The following FMNL3 variants were observed in gnomAD, a reference collection of about 807,000 sequenced individuals.
FMNL3 encodes the protein formin like 3.
FMNL3 carries 57 observed loss-of-function variants against 119.6 expected under a neutral mutation model. The observed-to-expected ratio is 0.48, with a 90% CI of 0.39 to 0.59. The LOEUF is 0.59. FMNL3 is among the 20% of genes least tolerant of loss of function. FMNL3 has a pLI of 0.00. For missense variants in FMNL3, 1,053 were observed against 1,323.5 expected, an observed-to-expected ratio of 0.80 and a Z score of 3.17; for synonymous variants, 491 against 507.3, an observed-to-expected ratio of 0.97 and a Z score of 0.43.
chr12:49,686,635 A>C (rs2138978348), intron 1 of FMNL3, among the ~76,000 whole-genome samples: 1 of 151,324 alleles, frequency 6.6e-6, no homozygotes, highest in South Asian at 2.1e-4. Context: ...ACTGAGCCCC[A>C]AAACTCTTAA....
In FMNL3 at chr12:49,642,725, G is replaced by C; in HGVS notation, c.*3090C>G. On this transcript the variant is annotated 3_prime_UTR_variant, in exon 26 of 26. Transcript: ENST00000335154. The surrounding 1 kb of genome is among the most constrained non-coding windows in gnomAD (Gnocchi z 5.8). ...CTGCCTCAGGCCCTTGAACTCATTA[G>C]ACCAGTTCAACAGAGACCTCAGTGG... 6.4e-7 allele frequency: 1 copy of C among 1,572,422 alleles called. No individual in the cohort carries two copies. The highest frequency in any genetic ancestry group is 8.7e-7 in the Non-Finnish European group (1 of 1,153,232).
In FMNL3 at chr12:49,649,354, T is replaced by C; in HGVS notation, c.2305-15A>G. 1 of 1,614,128 alleles carries C rather than the reference T, an allele frequency of 6.2e-7. No individual in the cohort carries two copies. Among genetic ancestry groups the C allele is most frequent in the Non-Finnish European group, 8.5e-7 (1 of 1,180,022 alleles). ...GCAAGTATGATCTGTCCAAAGAATG[T>C]GTGGGAGGCAGGTCAGGCTCAGGTC... On this transcript the variant is annotated splice_polypyrimidine_tract_variant and intron_variant, in intron 19 of 25. Transcript: ENST00000335154. This position sits in a 1 kb window ranked among gnomAD's most constrained non-coding sequence, Gnocchi z 5.6.
At chr12:49,702,944 A>C (rs11169115) in intron 1 of FMNL3, among the ~76,000 whole-genome samples, 3,380 of 152,272 alleles carry the variant, frequency 0.022, 133 homozygotes, top group African/African-American at 0.077. Context: ...AGCCTCTTAG[A>C]CAACTAGCAC....
chr12:49,698,823 C>G (rs1399087466), intron 1 of FMNL3, among the ~76,000 whole-genome samples: 5 of 152,180 alleles, frequency 3.3e-5, no homozygotes, highest in Admixed American at 2.6e-4. Context: ...AAGAGAGAGA[C>G]TGGAAATGGA....
chr12:49,673,042 G>C (rs1288730665), intron 1 of FMNL3, among the ~76,000 whole-genome samples: 2 of 152,220 alleles, frequency 1.3e-5, no homozygotes, highest in Admixed American at 6.5e-5. Flanking sequence ...AATACAGAAA[G>C]TGAGAGGTAG....
chr12:49,666,176 G>A lies in FMNL3; in HGVS notation c.242C>T (p.Thr81Ile), dbSNP rs749420213. 12 of 1,614,092 alleles carry A rather than the reference G, an allele frequency of 7.4e-6. No individual in the cohort carries two copies. Among genetic ancestry groups the A allele is most frequent in the Admixed American group, 5.0e-5 (3 of 59,986 alleles). ...ERFQVKNPPH[T>I]YIQKLQSFLD... ...GAAGCTCTGGAGTTTCTGAATGTAAGTGTGGGGAGGATTCTTCACCTGGAA... is the reference window on the plus strand; with the variant it reads ...GAAGCTCTGGAGTTTCTGAATGTAAATGTGGGGAGGATTCTTCACCTGGAA... Residue 81 changes from threonine (T) to isoleucine (I), a missense_variant, in exon 3 of 26, where the codon ACT becomes ATT. Transcript: ENST00000335154.
chr12:49,696,748 G>C (rs1944761732), intron 1 of FMNL3, among the ~76,000 whole-genome samples: 2 of 152,204 alleles, frequency 1.3e-5, no homozygotes, highest in Non-Finnish European at 1.5e-5. Context: ...CTGTCCAGGG[G>C]CCTGAATATC....
chr12:49,701,223 T>A (rs960769774), intron 1 of FMNL3, among the ~76,000 whole-genome samples: 1 of 152,026 alleles, frequency 6.6e-6, no homozygotes. Flanking sequence ...TACACGTACA[T>A]CAAAGTGTTA....
rs755647716 is a variant in FMNL3, at chr12:49,662,077, G to A, written c.369-28C>T. The A allele has an allele frequency of 6.2e-6, 10 of 1,611,586 alleles. No homozygotes were observed. In the South Asian group the frequency reaches 9.9e-5, roughly 16 times the overall value. On this transcript the variant is annotated intron_variant, in intron 4 of 25. Coordinates refer to ENST00000335154, the MANE Select transcript of FMNL3 (RefSeq NM_175736.5). ...GCAGATAAAGGAAACACAGTGGAAGGGGTCTGCTAAAAGTGGGTCAAGGAT... is the reference window on the plus strand; with the variant it reads ...GCAGATAAAGGAAACACAGTGGAAGAGGTCTGCTAAAAGTGGGTCAAGGAT...
In FMNL3 at chr12:49,647,284, C is replaced by G; in HGVS notation, c.2863G>C (p.Asp955His). ...CTCTTGGTCCCACCCACCTTGGCAT[C>G]CAGTTTCTTGGCTTCCTGAGCCAGC... is the stretch of plus-strand genomic sequence containing the variant. ...KQLAQEAKKL[D>H]AKTPSQRNKW... Residue 955 changes from aspartate (D) to histidine (H), a missense_variant, in exon 24 of 26, where the codon GAT (aspartate) becomes CAT (histidine). Transcript: ENST00000335154. The surrounding 1 kb of genome is among the most constrained non-coding windows in gnomAD (Gnocchi z 4.9). 1.2e-6 allele frequency: 2 copies of G among 1,614,080 alleles called. No homozygotes were observed. The highest frequency in any genetic ancestry group is 1.7e-6 in the Non-Finnish European group (2 of 1,180,014).
intron 1 of FMNL3, among the ~76,000 whole-genome samples, chr12:49,689,862 A>G (rs1230500088): frequency 6.6e-6 from 1 of 151,858 alleles, no homozygotes; most frequent in Non-Finnish European, 1.5e-5. Context: ...CTCCTCCTTA[A>G]TTCCCTCCCA....
At chr12:49,670,300 TTC>T (rs1271807957) in intron 1 of FMNL3, among the ~76,000 whole-genome samples, 1 of 152,242 alleles carries the variant, frequency 6.6e-6, no homozygotes, top group Non-Finnish European at 1.5e-5. Flanking sequence ...CAAACATTTA[TTC>T]TGTCATATTA....
rs766493207 is a variant in FMNL3, at chr12:49,649,843, G to A, written c.2083C>T (p.Arg695Trp). 1.2e-6 allele frequency: 2 copies of A among 1,614,164 alleles called. No individual in the cohort carries two copies. Among genetic ancestry groups the A allele is most frequent in the Non-Finnish European group, 1.7e-6 (2 of 1,180,042 alleles). ...LPTEAEVKLLRQYERERQPLE... is the reference protein window; with the variant it reads ...LPTEAEVKLLWQYERERQPLE... ...GGCTGCCGCTCCCGCTCATATTGCC[G>A]CAGCAGCTTTACCTCAGCCTCTGTG... is the stretch of plus-strand genomic sequence containing the variant. Residue 695 changes from arginine to tryptophan, a missense_variant, in exon 18 of 26, where the codon CGG becomes TGG. Physicochemically the swap from Arg to Trp is moderately radical, Grantham distance 101. Transcript: ENST00000335154. This position sits in a 1 kb window ranked among gnomAD's most constrained non-coding sequence, Gnocchi z 5.6.
chr12:49,679,612 G>A (rs751560636), intron 1 of FMNL3, among the ~76,000 whole-genome samples: 9 of 139,818 alleles, frequency 6.4e-5, no homozygotes, highest in Non-Finnish European at 9.0e-5. Context: ...CTGCAGCCTC[G>A]ACCTCTTGGG....
rs1176550516 is a variant in FMNL3, at chr12:49,642,224, TC to T, written c.*3590del. ...CTGGGTGACCCTGTTCCGTGTCCCT[TC>T]TTTCCTCAGCTGCTGGAGAAAGCAG... On this transcript the variant is annotated 3_prime_UTR_variant, in exon 26 of 26. Transcript: ENST00000335154. The surrounding 1 kb of genome is among the most constrained non-coding windows in gnomAD (Gnocchi z 5.8). 2 of 1,614,124 alleles carry T rather than the reference TC, an allele frequency of 1.2e-6. No homozygotes were observed. Among genetic ancestry groups the T allele is most frequent in the Non-Finnish European group, 8.5e-7 (1 of 1,180,010 alleles).
At chr12:49,696,538 G>A (rs770003756) in intron 1 of FMNL3, among the ~76,000 whole-genome samples, 12 of 152,266 alleles carry the variant, frequency 7.9e-5, no homozygotes, top group East Asian at 5.8e-4. Context: ...GGAAAAAAAC[G>A]CTACATGATC....
At chr12:49,693,654 T>TC (rs1944673119) in intron 1 of FMNL3, among the ~76,000 whole-genome samples, 1 of 133,770 alleles carries the variant, frequency 7.5e-6, no homozygotes, top group East Asian at 2.1e-4. Flanking sequence ...TTTTTTTTTT[T>TC]TTTTTTTTTT....
chr12:49,650,273 G>A (rs1196017587), intron 17 of FMNL3, among the ~76,000 whole-genome samples: 1 of 152,060 alleles, frequency 6.6e-6, no homozygotes, highest in African/African-American at 2.4e-5. Flanking sequence ...AGTACCCAAG[G>A]CACTATGCTT....
chr12:49,695,794 G>A (rs543844852), intron 1 of FMNL3, among the ~76,000 whole-genome samples: 6 of 150,656 alleles, frequency 4.0e-5, no homozygotes, highest in East Asian at 3.9e-4. Flanking sequence ...TGAAATATCC[G>A]AGCAGTCAAA....
Sources: gnomAD v4.1 joint callset for allele counts (sites outside exome capture counted in the v4.1 genomes callset) on GRCh38, gnomAD v4.1.1 for gene constraint, Gnocchi (gnomAD v3.1) non-coding constraint, MANE v1.5 for transcripts, NCBI Gene and HGNC (gene_info 2026-07-23, HGNC 2026-07-21) for gene names.